RAB3IL1: variants seen among roughly 807,000 people sequenced by gnomAD.
RAB3IL1 encodes RAB3A interacting protein like 1.
In RAB3IL1, 37 loss-of-function variants were observed where a neutral mutation model predicts 49.2. The observed-to-expected ratio is 0.75, with a 90% confidence interval of 0.58 to 0.99. RAB3IL1 has a LOEUF of 0.99. Among genes scored for constraint, RAB3IL1 ranks in the 50% least tolerant of loss-of-function variants. RAB3IL1 has a pLI of 0.00. For synonymous variants in RAB3IL1, 193 were observed against 213.9 expected (o/e 0.90, Z 0.85); for missense variants, 484 against 513.0 (o/e 0.94, Z 0.55).
chr11:61,916,152 C>T (rs1213388771), intron 1 of RAB3IL1, among the ~76,000 whole-genome samples: 1 of 151,984 alleles, frequency 6.6e-6, no homozygotes, highest in East Asian at 1.9e-4. Context: ...TCGAGACCAG[C>T]CTGATCAATA....
intron 8 of RAB3IL1, chr11:61,899,589 CAT>C (rs1319643568): frequency 3.5e-6 from 2 of 579,258 alleles, no homozygotes; most frequent in East Asian, 5.7e-5. Flanking sequence ...GCAGCCATTT[CAT>C]CAAGCGCCTG....
the RAB3IL1 span, among the ~76,000 whole-genome samples, chr11:61,943,413 A>C: frequency 1.3e-5 from 2 of 152,216 alleles, no homozygotes; most frequent in African/African-American, 2.4e-5. Flanking sequence ...GTAAATCTTC[A>C]TGACCTTGGA....
the RAB3IL1 span, among the ~76,000 whole-genome samples, chr11:61,934,450 G>GTGTGTGTATGTATA: frequency 1.6e-3 from 50 of 31,510 alleles, no homozygotes; most frequent in Non-Finnish European, 2.7e-3. Flanking sequence ...GTGTGTGTAT[G>GTGTGTGTATGTATA]TATATATATA....
the RAB3IL1 span, among the ~76,000 whole-genome samples, chr11:61,940,747 T>C: frequency 6.6e-6 from 1 of 151,956 alleles, no homozygotes; most frequent in Admixed American, 6.6e-5. Context: ...TGGTGAATCC[T>C]TGTCTCTACT....
upstream of RAB3IL1, among the ~76,000 whole-genome samples, chr11:61,923,423 A>C (rs11605545): frequency 2.6e-3 from 397 of 152,278 alleles, 1 homozygote; most frequent in Non-Finnish European, 4.7e-3. Context: ...CATAGAGCTC[A>C]GTCACGAGGG....
intron 7 of RAB3IL1, 138 bp downstream of exon 7, chr11:61,904,408 C>T (rs998533204): frequency 1.7e-5 from 15 of 885,576 alleles, no homozygotes; most frequent in Non-Finnish European, 2.7e-5. Context: ...TGCCAAACTG[C>T]CTCCTTGCCC....
chr11:61,917,712 C>T, upstream of RAB3IL1: 1 of 330,366 alleles, frequency 3.0e-6, no homozygotes, highest in Non-Finnish European at 4.3e-6. Flanking sequence ...TCGGAGGGAA[C>T]CCGGCCCCCA....
At chr11:61,900,407 C>T (rs112543847) in intron 8 of RAB3IL1, among the ~76,000 whole-genome samples, 7,399 of 152,278 alleles carry the variant, frequency 0.049, 208 homozygotes, top group Admixed American at 0.078. Flanking sequence ...GAGGGGCACC[C>T]GCAGGCTGGG....
At chr11:61,945,150 A>T in the RAB3IL1 span, among the ~76,000 whole-genome samples, 2 of 152,300 alleles carry the variant, frequency 1.3e-5, no homozygotes, top group African/African-American at 2.4e-5. Context: ...ATAGGGGCCA[A>T]TGTGGCTTAC....
chr11:61,921,943 C>T (rs1263303492), upstream of RAB3IL1, among the ~76,000 whole-genome samples: 1 of 151,970 alleles, frequency 6.6e-6, no homozygotes, highest in Non-Finnish European at 1.5e-5. Context: ...AATCCCAGCA[C>T]TTTGGGAGGC....
intron 1 of RAB3IL1, among the ~76,000 whole-genome samples, chr11:61,916,552 C>T (rs1939698303): frequency 6.6e-6 from 1 of 152,226 alleles, no homozygotes; most frequent in South Asian, 2.1e-4. Context: ...TAGCCCTCTC[C>T]TGGGACCACT....
At chr11:61,916,272 G>A (rs925770916) in intron 1 of RAB3IL1, among the ~76,000 whole-genome samples, 5 of 151,196 alleles carry the variant, frequency 3.3e-5, no homozygotes, top group African/African-American at 1.2e-4. Context: ...CTTGTACTCA[G>A]GCAGCGGAGG....
At chr11:61,917,285 C>A in intron 1 of RAB3IL1, 72 bp downstream of exon 1, 1 of 1,352,204 alleles carries the variant, frequency 7.4e-7, no homozygotes, top group Non-Finnish European at 9.5e-7. Context: ...CGGGGACCCC[C>A]GAAATCCTCC....
At chr11:61,937,218 C>T in the RAB3IL1 span, among the ~76,000 whole-genome samples, 125 of 152,164 alleles carry the variant, frequency 8.2e-4, 2 homozygotes, top group South Asian at 0.024. Context: ...GGGGATGAAG[C>T]TATAGAGGTT....
chr11:61,921,824 C>G (rs1475611156), upstream of RAB3IL1, among the ~76,000 whole-genome samples: 1 of 152,164 alleles, frequency 6.6e-6, no homozygotes, highest in African/African-American at 2.4e-5. Flanking sequence ...CACTTAACCT[C>G]TCTGGGACTC....
chr11:61,914,388 G>A (rs1939590038), intron 1 of RAB3IL1, among the ~76,000 whole-genome samples: 1 of 152,236 alleles, frequency 6.6e-6, no homozygotes. Context: ...CCAGGGGGCT[G>A]GAACAGTGTC....
intron 8 of RAB3IL1, among the ~76,000 whole-genome samples, chr11:61,900,620 C>T (rs905110411): frequency 3.9e-5 from 6 of 152,140 alleles, no homozygotes; most frequent in East Asian, 1.9e-4. Flanking sequence ...CCCACAGAGG[C>T]TCATGAGCAG....
At position 61,899,384 on chromosome 11, in the gene RAB3IL1, T is replaced by A. The variant is rs891846785; in HGVS notation, c.1000-4A>T. On this transcript the variant is annotated splice_region_variant and splice_polypyrimidine_tract_variant and intron_variant, in intron 8 of 9. Coordinates refer to ENST00000394836, the MANE Select transcript of RAB3IL1 (RefSeq NM_013401.4). ...AGAAGTTGCACACTGCGGTGATCTG[T>A]GGGCAGAGGTGGGGACGGTGTGACC... The A allele has an allele frequency of 6.2e-7, 1 of 1,608,084 alleles. No individual in the cohort carries two copies. Among genetic ancestry groups the A allele is most frequent in the Non-Finnish European group, 8.5e-7 (1 of 1,179,364 alleles).
Position 61,898,611 on chromosome 11 carries a change from C to T in RAB3IL1, c.1067-251G>A, listed in dbSNP as rs548399453. 3.9e-5 allele frequency among the ~76,000 whole-genome samples: 6 copies of T among 152,324 alleles called. No homozygotes were observed. The highest frequency in any genetic ancestry group is 2.1e-4 in the South Asian group (1 of 4,832). The stretch of plus-strand genomic sequence containing the variant: ...TACACTGACGGCCACCCCCACAGCC[C>T]GACGCAGACAAGCAGGTACACGCTG... On this transcript the variant is annotated intron_variant, in intron 9 of 9. Transcript: ENST00000394836. This position sits in a 1 kb window ranked among gnomAD's most constrained non-coding sequence, Gnocchi z 5.1.
Sources: gnomAD v4.1 joint callset for allele counts (sites outside exome capture counted in the v4.1 genomes callset) on GRCh38, gnomAD v4.1.1 for gene constraint, Gnocchi (gnomAD v3.1) non-coding constraint, MANE v1.5 for transcripts, NCBI Gene and HGNC (gene_info 2026-07-23, HGNC 2026-07-21) for gene names.